Variants in CPED1 observed in about 807,000 individuals in gnomAD.
CPED1 encodes the protein cadherin like and PC-esterase domain containing 1.
CPED1 carries 114 observed loss-of-function variants against 128.2 expected under a neutral mutation model. That is an observed-to-expected ratio of 0.89 (90% CI 0.76 to 1.04). CPED1 has a LOEUF of 1.04. Ranked by LOEUF, CPED1 falls within the 50% of genes least tolerant of loss-of-function variation. The probability of loss-of-function intolerance (pLI) is 0.00; values close to 1 mark genes in which losing one functional copy is unlikely to be tolerated. For synonymous variants in CPED1, 462 were observed against 426.7 expected (o/e 1.08, Z -1.02); for missense variants, 1,211 against 1,207.1 (o/e 1.00, Z -0.05).
chr7:121,097,889 A>T, intron 6 of CPED1, 58 bp downstream of exon 6: 4 of 1,584,990 alleles, frequency 2.5e-6, no homozygotes, highest in Non-Finnish European at 3.5e-6. Flanking sequence ...ACAGCTAACA[A>T]GAGAAAAGCA....
At chr7:121,293,102 T>A (rs1166226282) in intron 22 of CPED1, among the ~76,000 whole-genome samples, 1 of 152,224 alleles carries the variant, frequency 6.6e-6, no homozygotes, top group Non-Finnish European at 1.5e-5. Flanking sequence ...CGTTTAAGTC[T>A]GCTGAAGCTG....
rs142912250 is a variant in CPED1, at chr7:121,110,843, T to C, written c.918+10749T>C. On this transcript the variant is annotated intron_variant, in intron 7 of 22. Transcript: ENST00000310396. ...TTGTGAACAGAGGCAGAGAAACCAG[T>C]TGCAAGGCCATTCAGGGGTCCAGAT... is the stretch of plus-strand genomic sequence containing the variant. Among the ~76,000 whole-genome samples, 3 of 152,294 alleles carry C rather than the reference T, an allele frequency of 2.0e-5. No homozygotes were observed. The East Asian group carries it at 5.8e-4, about 29-fold the overall frequency.
intron 5 of CPED1, among the ~76,000 whole-genome samples, chr7:121,091,912 T>C (rs1419833492): frequency 2.0e-5 from 3 of 152,224 alleles, no homozygotes; most frequent in African/African-American, 7.2e-5. Flanking sequence ...AATTAGATTA[T>C]GCATCTTTAT....
chr7:121,125,914 T>C (rs772474053), intron 9 of CPED1, 22 bp downstream of exon 9: 9 of 1,495,842 alleles, frequency 6.0e-6, no homozygotes, highest in South Asian at 1.1e-5. Flanking sequence ...AAAGGCCTCA[T>C]GTGAGCTTCT....
intron 16 of CPED1, among the ~76,000 whole-genome samples, chr7:121,234,873 C>T (rs904024106): frequency 6.6e-6 from 1 of 152,100 alleles, no homozygotes; most frequent in African/African-American, 2.4e-5. Context: ...TTTTCTTACC[C>T]ATATGTCTTG....
Position 121,082,649 on chromosome 7 carries a change from A to G in CPED1, c.617-15050A>G, listed in dbSNP as rs551278567. ...CTGTCTTTAAACCATCTATAGGATA[A>G]CCATCTGTAAGATAGATATATTCAT... On this transcript the variant is annotated intron_variant, in intron 5 of 22. Coordinates refer to ENST00000310396, the MANE Select transcript of CPED1 (RefSeq NM_024913.5). Among the ~76,000 whole-genome samples, 262 of 152,336 alleles carry G rather than the reference A, an allele frequency of 1.7e-3. 2 individuals carry two copies. The highest frequency in any genetic ancestry group is 1.9e-3 in the Non-Finnish European group (131 of 68,020).
At chr7:121,166,610 A>T (rs898600215) in intron 16 of CPED1, among the ~76,000 whole-genome samples, 1 of 152,142 alleles carries the variant, frequency 6.6e-6, no homozygotes, top group African/African-American at 2.4e-5. Context: ...ACAACTCATG[A>T]TGCTCTTCTC....
At chr7:121,087,264 CCCT>C (rs1794447996) in intron 5 of CPED1, among the ~76,000 whole-genome samples, 3 of 152,098 alleles carry the variant, frequency 2.0e-5, no homozygotes, top group Admixed American at 2.0e-4. Flanking sequence ...GTTTTTATAA[CCCT>C]CTTCTCCTAC....
chr7:121,205,925 G>A (rs757328769), intron 16 of CPED1, among the ~76,000 whole-genome samples: 2 of 151,998 alleles, frequency 1.3e-5, no homozygotes, highest in Non-Finnish European at 2.9e-5. Context: ...TCCAAACATA[G>A]GTCCTAATGT....
chr7:120,997,935 AATAAAATAAAAT>A (rs1562986466), intron 2 of CPED1, among the ~76,000 whole-genome samples: 6 of 123,040 alleles, frequency 4.9e-5, no homozygotes, highest in African/African-American at 1.9e-4. Flanking sequence ...AAAAAAATAA[AATAAAATAAAAT>A]AAAATAAAAT....
At chr7:121,102,432 T>C (rs540348753) in intron 7 of CPED1, among the ~76,000 whole-genome samples, 2 of 152,272 alleles carry the variant, frequency 1.3e-5, no homozygotes, top group African/African-American at 4.8e-5. Context: ...GCTCCAAACA[T>C]GAAGAAACCA....
At chr7:121,139,772 A>G (rs2116362526) in intron 14 of CPED1, among the ~76,000 whole-genome samples, 1 of 152,166 alleles carries the variant, frequency 6.6e-6, no homozygotes, top group South Asian at 2.1e-4. Context: ...ACAGTTACTA[A>G]AATAATCTCC....
intron 5 of CPED1, among the ~76,000 whole-genome samples, chr7:121,069,908 AATTTTTGGCCATAACTC>A (rs1337362888): frequency 6.6e-6 from 1 of 152,078 alleles, no homozygotes; most frequent in Non-Finnish European, 1.5e-5. Flanking sequence ...AAGTTTGCCC[AATTTTTGGCCATAACTC>A]ATTCATTCCA....
chr7:121,051,226 A>C (rs755107679), intron 4 of CPED1: 4 of 483,896 alleles, frequency 8.3e-6, no homozygotes, highest in Non-Finnish European at 1.7e-5. Context: ...ACCATGTCTT[A>C]CCAGCAGTCC....
intron 4 of CPED1, chr7:121,051,198 G>A (rs182982197): frequency 3.0e-5 from 15 of 508,232 alleles, no homozygotes; most frequent in African/African-American, 2.8e-4. Context: ...AAGAAACCAA[G>A]TCTGATTAAT....
At chr7:121,138,411 T>C (rs1022978074) in intron 14 of CPED1, among the ~76,000 whole-genome samples, 1 of 152,040 alleles carries the variant, frequency 6.6e-6, no homozygotes, top group Non-Finnish European at 1.5e-5. Flanking sequence ...CCAGGTGTTT[T>C]TGGCGGCAAC....
chr7:121,047,716 T>TTCA (rs1491267938), intron 4 of CPED1, among the ~76,000 whole-genome samples: 2 of 71,238 alleles, frequency 2.8e-5, no homozygotes, highest in South Asian at 8.1e-4. Flanking sequence ...CTTCTTCTTC[T>TTCA]TTTTTTTTTT....
At chr7:121,143,061 A>G (rs10235191) in intron 16 of CPED1, among the ~76,000 whole-genome samples, 10,462 of 152,010 alleles carry the variant, frequency 0.069, 480 homozygotes, top group African/African-American at 0.11. Flanking sequence ...AAGAGCTTTA[A>G]AAATCTCAGG....
Position 120,989,590 on chromosome 7 carries a change from G to A in CPED1, c.-32G>A, listed in dbSNP as rs755134687. On this transcript the variant is annotated 5_prime_UTR_variant, in exon 2 of 23. The change creates a new upstream start codon in the 5' untranslated region. Transcript: ENST00000310396. ...TAGCTGCTATGACTTTTCCCGCAACGTGGACAGGGGCCAAGTGAAGCTGAA... is the reference window on the plus strand; with the variant it reads ...TAGCTGCTATGACTTTTCCCGCAACATGGACAGGGGCCAAGTGAAGCTGAA... The A allele has an allele frequency of 6.2e-7, 1 of 1,605,324 alleles. No homozygotes were observed. The highest frequency in any genetic ancestry group is 2.2e-5 in the East Asian group (1 of 44,742).
Sources: allele counts gnomAD v4.1 joint callset (sites outside exome capture counted in the v4.1 genomes callset), GRCh38; gene constraint gnomAD v4.1.1; transcripts MANE v1.5; gene names NCBI Gene and HGNC (gene_info 2026-07-23, HGNC 2026-07-21).